Variants in DMXL2 observed in about 807,000 individuals in gnomAD.
DMXL2 encodes Dmx like 2.
DMXL2 carries 103 observed loss-of-function variants against 331.1 expected under a neutral mutation model. The ratio of observed to expected loss-of-function variants is 0.31; its 90% confidence interval spans 0.27 to 0.37. DMXL2 has a LOEUF of 0.37. Among genes scored for constraint, DMXL2 ranks in the 10% least tolerant of loss-of-function variants. The pLI, the probability that DMXL2 is intolerant of heterozygous loss-of-function variation, is 1.00. For missense variants in DMXL2, 3,171 were observed against 3,642.9 expected, an observed-to-expected ratio of 0.87 and a Z score of 3.33; for synonymous variants, 1,281 against 1,252.1, an observed-to-expected ratio of 1.02 and a Z score of -0.49.
intron 1 of DMXL2, among the ~76,000 whole-genome samples, chr15:51,595,491 A>C (rs1436807635): frequency 6.6e-6 from 1 of 152,222 alleles, no homozygotes; most frequent in African/African-American, 2.4e-5. Context: ...AAATGGCCAT[A>C]CTGCCCAAGG....
In DMXL2 at chr15:51,448,147, T is replaced by C. The variant is rs2038839924; in HGVS notation, c.*837A>G. 6.6e-6 allele frequency: 1 copy of C among 152,644 alleles called. No homozygotes were observed. Among genetic ancestry groups the C allele is most frequent in the African/African-American group, 2.4e-5 (1 of 41,470 alleles). 9.5% of individuals were successfully genotyped at this position (152,644 alleles called of 1,614,324 possible). ...CTGGCCACAAGAAGCCTAACATTCA[T>C]TTTAATTATGATATGAAATGCTCTA... On this transcript the variant is annotated 3_prime_UTR_variant, in exon 44 of 44. Coordinates refer to ENST00000560891, the MANE Select transcript of DMXL2 (RefSeq NM_001378457.1).
At chr15:51,580,391 A>T (rs1419430710) in intron 1 of DMXL2, among the ~76,000 whole-genome samples, 1 of 152,216 alleles carries the variant, frequency 6.6e-6, no homozygotes, top group Non-Finnish European at 1.5e-5. Flanking sequence ...AAAGTTAGTA[A>T]ACTAACCTCT....
intron 1 of DMXL2, among the ~76,000 whole-genome samples, chr15:51,588,585 T>C (rs534036138): frequency 6.6e-6 from 1 of 152,334 alleles, no homozygotes; most frequent in African/African-American, 2.4e-5. Flanking sequence ...TTATGACAAC[T>C]TCAAATTATT....
chr15:51,571,765 T>C (rs2050684086), intron 2 of DMXL2, among the ~76,000 whole-genome samples: 1 of 152,094 alleles, frequency 6.6e-6, no homozygotes, highest in Non-Finnish European at 1.5e-5. Context: ...CATACCAGAA[T>C]CTCTGGGACA....
intron 9 of DMXL2, 97 bp from the exon 10 acceptor site, chr15:51,538,549 A>C: frequency 2.2e-6 from 2 of 927,612 alleles, no homozygotes; most frequent in Non-Finnish European, 3.1e-6. Context: ...AAAAGGTGCT[A>C]AACAAGTCAA....
intron 15 of DMXL2, among the ~76,000 whole-genome samples, chr15:51,512,571 G>C (rs530897402): frequency 6.6e-6 from 1 of 152,284 alleles, no homozygotes; most frequent in East Asian, 1.9e-4. Context: ...AGCACTTTGG[G>C]AGTCAAGGTG....
intron 1 of DMXL2, among the ~76,000 whole-genome samples, chr15:51,598,849 TATAATTA>T (rs1329983047): frequency 6.6e-6 from 1 of 152,218 alleles, no homozygotes; most frequent in African/African-American, 2.4e-5. Flanking sequence ...GTTTTTCCTT[TATAATTA>T]ATAAGTATAC....
intron 8 of DMXL2, among the ~76,000 whole-genome samples, chr15:51,544,891 C>T (rs1172850245): frequency 6.6e-6 from 1 of 151,908 alleles, no homozygotes; most frequent in Non-Finnish European, 1.5e-5. Context: ...TAAAAAACAG[C>T]CACAAGAAAA....
rs770636240 is a variant in DMXL2 at position 51,498,909 on chromosome 15, G to T, written c.4315C>A (p.Gln1439Lys). The T allele has an allele frequency of 1.2e-6, 2 of 1,614,104 alleles. No individual in the cohort carries two copies. Among genetic ancestry groups the T allele is most frequent in the Admixed American group, 3.3e-5 (2 of 60,020 alleles). Residue 1439 changes from glutamine to lysine, a missense_variant, in exon 18 of 44, where the codon CAA becomes AAA. Gln to Lys is a moderately conservative substitution (Grantham distance 53). Around this residue, in one of 7 missense-constraint regions of DMXL2, gnomAD observed 1,674 missense variants for 1,780.2 expected, o/e 0.94. Transcript: ENST00000560891. ...LPLYALLAADQDTSYRISEES... is the reference protein window; with the variant it reads ...LPLYALLAADKDTSYRISEES... ...TCTGAAATTCTGTAGGATGTATCTT[G>T]ATCTGCAGCAAGTAATGCATATAGT...
Position 51,457,312 on chromosome 15 carries a change from T to C in DMXL2, c.8337+16A>G. On this transcript the variant is annotated intron_variant, in intron 37 of 43. Transcript: ENST00000560891. ...AGTCCAAATCCAGAAATGATACCTATAAGTAAATAACATACCACACTAGCT... is the reference window on the plus strand; with the variant it reads ...AGTCCAAATCCAGAAATGATACCTACAAGTAAATAACATACCACACTAGCT... 1 of 1,608,234 alleles carries C rather than the reference T, an allele frequency of 6.2e-7. No homozygotes were observed. Among genetic ancestry groups the C allele is most frequent in the Non-Finnish European group, 8.5e-7 (1 of 1,177,896 alleles).
intron 29 of DMXL2, among the ~76,000 whole-genome samples, chr15:51,466,835 C>G (rs1023989804): frequency 2.6e-5 from 4 of 151,718 alleles, no homozygotes; most frequent in African/African-American, 9.7e-5. Context: ...TAAAATGATT[C>G]TGAAGTTCGT....
At chr15:51,453,340 T>C (rs2039324191) in intron 41 of DMXL2, 1 of 415,688 alleles carries the variant, frequency 2.4e-6, no homozygotes, top group Non-Finnish European at 4.2e-6. Flanking sequence ...TGAATAGCTT[T>C]AAAATAAAAA....
At chr15:51,615,334 G>C (rs2054226006) in intron 1 of DMXL2, among the ~76,000 whole-genome samples, 1 of 152,210 alleles carries the variant, frequency 6.6e-6, no homozygotes, top group African/African-American at 2.4e-5. Flanking sequence ...TTTTATGAGA[G>C]AAGGGAGAAA....
intron 13 of DMXL2, among the ~76,000 whole-genome samples, chr15:51,532,446 T>A (rs1199473790): frequency 2.0e-5 from 3 of 152,038 alleles, no homozygotes; most frequent in Non-Finnish European, 2.9e-5. Flanking sequence ...TAGTTAGAAT[T>A]AATAAGACCT....
chr15:51,499,264 A>G lies in DMXL2; in HGVS notation c.3960T>C (p.Asp1320=). The G allele has an allele frequency of 1.2e-6, 2 of 1,613,970 alleles. No homozygotes were observed. Among genetic ancestry groups the G allele is most frequent in the South Asian group, 1.1e-5 (1 of 91,080 alleles). Residue 1320 remains aspartate (D), a synonymous_variant, in exon 18 of 44, where the codon GAT becomes GAC. Coordinates refer to ENST00000560891, the MANE Select transcript of DMXL2 (RefSeq NM_001378457.1). ...SVVEGTAISD[D]VFCSPTVIQD... ...GAATTACAGTTGGTGAACAAAAAACATCATCAGAAATAGCTGTTCCTTCAA... is the reference window on the plus strand; with the variant it reads ...GAATTACAGTTGGTGAACAAAAAACGTCATCAGAAATAGCTGTTCCTTCAA...
At chr15:51,594,381 TG>T (rs1196526735) in intron 1 of DMXL2, among the ~76,000 whole-genome samples, 1 of 152,190 alleles carries the variant, frequency 6.6e-6, no homozygotes, top group East Asian at 1.9e-4. Context: ...GTTGAATCTC[TG>T]AACAGACCAA....
At chr15:51,559,301 C>T (rs1596256754) in intron 6 of DMXL2, among the ~76,000 whole-genome samples, 1 of 152,198 alleles carries the variant, frequency 6.6e-6, no homozygotes, top group African/African-American at 2.4e-5. Flanking sequence ...AGACCAAAAA[C>T]TATTTTAAAA....
At chr15:51,567,737 T>A (rs969923550) in intron 3 of DMXL2, 31 of 152,264 alleles carry the variant, frequency 2.0e-4, no homozygotes, top group African/African-American at 7.2e-4. Context: ...ACTGTGCTAC[T>A]GAGTAGAAGG....
intron 33 of DMXL2, chr15:51,460,442 G>T: frequency 1.2e-6 from 1 of 864,384 alleles, no homozygotes; most frequent in Non-Finnish European, 1.4e-6. Context: ...CTAACTCAGT[G>T]AAGGCCAAAC....
Sources: gnomAD v4.1 joint callset for allele counts (sites outside exome capture counted in the v4.1 genomes callset) on GRCh38, gnomAD v4.1.1 for gene constraint, gnomAD v4.1.1 regional missense constraint, MANE v1.5 for transcripts, NCBI Gene and HGNC (gene_info 2026-07-23, HGNC 2026-07-21) for gene names.